RNF212: variants seen among roughly 807,000 people sequenced by gnomAD.
RNF212 encodes the protein ring finger protein 212.
RNF212 carries 33 observed loss-of-function variants against 34.7 expected under a neutral mutation model. That is an observed-to-expected ratio of 0.95 (90% confidence interval 0.72 to 1.27). The LOEUF is 1.27. RNF212 is among the 50% of genes most tolerant of loss of function. The pLI, the probability that RNF212 is intolerant of heterozygous loss-of-function variation, is 0.00. For missense variants in RNF212, 377 were observed against 362.2 expected, an observed-to-expected ratio of 1.04 and a Z score of -0.33; for synonymous variants, 140 against 136.1, an observed-to-expected ratio of 1.03 and a Z score of -0.20.
rs1577643774 is a variant in RNF212, at chr4:1,073,305, A to C, written c.575-112T>G. ...CTTTGAAAAGGGACCAGCAATTCAAAGCCAATTACCAGGAAGCAAACCCAG... is the reference window on the plus strand; with the variant it reads ...CTTTGAAAAGGGACCAGCAATTCAACGCCAATTACCAGGAAGCAAACCCAG... On this transcript the variant is annotated intron_variant, in intron 9 of 9. Transcript: ENST00000433731. 4 of 1,417,098 alleles carry C rather than the reference A, an allele frequency of 2.8e-6. No individual in the cohort carries two copies. In the East Asian group the frequency reaches 9.8e-5, roughly 35 times the overall value. 87.8% of individuals were successfully genotyped at this position (1,417,098 alleles called of 1,614,324 possible). A position where few individuals can be genotyped will look rare whatever the true frequency, so the allele number is the denominator to read the frequency against.
chr4:1,103,794 T>C (rs529631028), intron 2 of RNF212, among the ~76,000 whole-genome samples: 15 of 152,324 alleles, frequency 9.8e-5, no homozygotes, highest in Admixed American at 6.5e-4. Flanking sequence ...GATGAAATAC[T>C]GGAAGCTTGA....
At chr4:1,083,311 G>C (rs567680810) in intron 5 of RNF212, among the ~76,000 whole-genome samples, 1 of 152,206 alleles carries the variant, frequency 6.6e-6, no homozygotes, top group East Asian at 1.9e-4. Flanking sequence ...AAATGAGCAG[G>C]AATGTTCTCA....
At chr4:1,107,789 G>A (rs191074765) in intron 2 of RNF212, among the ~76,000 whole-genome samples, 12 of 152,256 alleles carry the variant, frequency 7.9e-5, no homozygotes, top group Admixed American at 2.0e-4. Flanking sequence ...TGTACTATAC[G>A]AATGTTGTGT....
chr4:1,103,803 G>C (rs547828501), intron 2 of RNF212, among the ~76,000 whole-genome samples: 1 of 152,168 alleles, frequency 6.6e-6, no homozygotes, highest in African/African-American at 2.4e-5. Context: ...CTGGAAGCTT[G>C]ACCCTGAAAT....
Position 1,093,660 on chromosome 4 carries a change from C to T in RNF212, c.247-2822G>A, listed in dbSNP as rs540621160. On this transcript the variant is annotated intron_variant, in intron 3 of 9. Coordinates refer to ENST00000433731, the MANE Select transcript of RNF212 (RefSeq NM_001131034.4). ...GAGACAGCACCTGGCCTCTGCAGCACTTGGCAAAACCACCCTGGAGCGCAC... is the reference window on the plus strand; with the variant it reads ...GAGACAGCACCTGGCCTCTGCAGCATTTGGCAAAACCACCCTGGAGCGCAC... 6.5e-6 allele frequency: 10 copies of T among 1,536,024 alleles called. 1 individual carries two copies. The South Asian group carries it at 8.3e-5, about 13-fold the overall frequency.
At chr4:1,062,263 G>A (rs577102100) in intron 3 of RNF212, among the ~76,000 whole-genome samples, 3 of 152,080 alleles carry the variant, frequency 2.0e-5, no homozygotes, top group Non-Finnish European at 2.9e-5. Context: ...ATCCAGCAGC[G>A]TATAAGAAAG....
chr4:1,112,138 C>T (rs1356045627), intron 1 of RNF212, among the ~76,000 whole-genome samples: 2 of 152,066 alleles, frequency 1.3e-5, no homozygotes, highest in Admixed American at 1.3e-4. Context: ...GCCTGGGAGG[C>T]GGAGGCTGCA....
At chr4:1,078,269 G>A (rs986361652) in intron 8 of RNF212, among the ~76,000 whole-genome samples, 1 of 152,222 alleles carries the variant, frequency 6.6e-6, no homozygotes, top group Non-Finnish European at 1.5e-5. Flanking sequence ...TCCTGCCTTT[G>A]CTCCTCGGCC....
chr4:1,077,857 T>TGTCCCTCTGGAAGCAC (rs1362702740), intron 8 of RNF212, among the ~76,000 whole-genome samples: 1 of 152,168 alleles, frequency 6.6e-6, no homozygotes, highest in African/African-American at 2.4e-5. Context: ...TAAGGAAGCG[T>TGTCCCTCTGGAAGCAC]GTCCCTCTGG....
At chr4:1,065,875 C>T (rs1027299341) in intron 3 of RNF212, among the ~76,000 whole-genome samples, 2 of 151,218 alleles carry the variant, frequency 1.3e-5, no homozygotes, top group Non-Finnish European at 3.0e-5. Context: ...CATCCGTGCC[C>T]GGCCTGTTTT....
At chr4:1,111,311 T>C (rs1298163596) in intron 1 of RNF212, among the ~76,000 whole-genome samples, 1 of 152,190 alleles carries the variant, frequency 6.6e-6, no homozygotes, top group East Asian at 1.9e-4. Flanking sequence ...AGGATTATTA[T>C]CCCGTATTAA....
chr4:1,103,183 T>C (rs1176316475), intron 2 of RNF212, among the ~76,000 whole-genome samples: 1 of 152,186 alleles, frequency 6.6e-6, no homozygotes, highest in Non-Finnish European at 1.5e-5. Context: ...CACAATTTAC[T>C]TAAATTGACT....
chr4:1,107,660 C>A (rs1187293689), intron 2 of RNF212, among the ~76,000 whole-genome samples: 1 of 152,018 alleles, frequency 6.6e-6, no homozygotes, highest in East Asian at 1.9e-4. Context: ...CTGAGTTGGC[C>A]AGGATGGTCT....
At chr4:1,112,141 A>C (rs1725775826) in intron 1 of RNF212, among the ~76,000 whole-genome samples, 2 of 152,194 alleles carry the variant, frequency 1.3e-5, no homozygotes. Context: ...TGGGAGGCGG[A>C]GGCTGCAGTA....
At chr4:1,085,305 C>T (rs776594319) in intron 5 of RNF212, among the ~76,000 whole-genome samples, 1 of 152,204 alleles carries the variant, frequency 6.6e-6, no homozygotes, top group Non-Finnish European at 1.5e-5. Context: ...TGCAATACGG[C>T]AAAAGCACGG....
chr4:1,093,632 C>T (rs972502167), intron 3 of RNF212: 3 of 1,535,900 alleles, frequency 2.0e-6, no homozygotes, highest in Non-Finnish European at 2.6e-6. Flanking sequence ...GGTCTTCTCT[C>T]CTGAGACAGC....
chr4:1,073,158 A>G lies in RNF212; in HGVS notation c.610T>C (p.Trp204Arg). The G allele has an allele frequency of 6.2e-7, 1 of 1,614,172 alleles. No individual in the cohort carries two copies. The highest frequency in any genetic ancestry group is 8.5e-7 in the Non-Finnish European group (1 of 1,179,998). ...HLTASFCFIP[W>R]LTLSKPPVPG... The stretch of plus-strand genomic sequence containing the variant: ...ACAGGGGGCTTAGACAAGGTCAACC[A>G]TGGGATGAAACAGAAAGAAGCTGTT... Residue 204 changes from tryptophan (W) to arginine (R), a missense_variant, in exon 10 of 10, where the codon TGG (tryptophan) becomes CGG (arginine). Trp to Arg is a moderately radical substitution (Grantham distance 101). Coordinates refer to ENST00000433731, the MANE Select transcript of RNF212 (RefSeq NM_001131034.4).
intron 3 of RNF212, among the ~76,000 whole-genome samples, chr4:1,092,937 T>G (rs1016351614): frequency 3.9e-5 from 6 of 152,252 alleles, no homozygotes; most frequent in African/African-American, 1.4e-4. Context: ...TTCTCCTCCA[T>G]GGAGTGGCCT....
chr4:1,057,117 T>C (rs1346582404), intron 4 of RNF212: 3 of 391,422 alleles, frequency 7.7e-6, no homozygotes, highest in African/African-American at 2.2e-5. Flanking sequence ...AAGGCATCTC[T>C]GAGAACCTCG....
Sources: allele counts gnomAD v4.1 joint callset (sites outside exome capture counted in the v4.1 genomes callset), GRCh38; gene constraint gnomAD v4.1.1; transcripts MANE v1.5; gene names NCBI Gene and HGNC (gene_info 2026-07-23, HGNC 2026-07-21).